The following ANKAR variants were observed in gnomAD, a reference collection of about 807,000 sequenced individuals.
ANKAR encodes ankyrin and armadillo repeat containing, also known as ankyrin and armadillo repeat-containing protein.
In ANKAR, 136 loss-of-function variants were observed where a neutral mutation model predicts 146.2. That is an observed-to-expected ratio of 0.93 (90% CI 0.81 to 1.07). The LOEUF (loss-of-function observed/expected upper bound fraction) is 1.07, where lower values mean the gene tolerates loss of function less well. ANKAR is among the 50% of genes least tolerant of loss of function. The probability of loss-of-function intolerance (pLI) is 0.00; values close to 1 mark genes in which losing one functional copy is unlikely to be tolerated. For missense variants in ANKAR, 1,567 were observed against 1,679.9 expected (o/e 0.93, Z 1.18); for synonymous variants, 500 against 575.8 (o/e 0.87, Z 1.88).
At chr2:189,689,458 C>A (rs1574396826) in intron 2 of ANKAR, 69 bp from the exon 3 acceptor site, 2 of 1,276,352 alleles carry the variant, frequency 1.6e-6, no homozygotes, top group East Asian at 2.3e-5. Context: ...TGTGTTCAAT[C>A]TTCTGTATTT....
At chr2:189,721,782 A>G (rs1365915109) in intron 12 of ANKAR, among the ~76,000 whole-genome samples, 1 of 150,312 alleles carries the variant, frequency 6.7e-6, no homozygotes, top group African/African-American at 2.5e-5. Context: ...CCTGCTCAGT[A>G]TATCATTTGG....
At position 189,692,392 on chromosome 2, in the gene ANKAR, A is replaced by C; in HGVS notation, c.1177A>C (p.Ile393Leu). The C allele has an allele frequency of 6.2e-7, 1 of 1,611,962 alleles. No individual in the cohort carries two copies. Among genetic ancestry groups the C allele is most frequent in the Non-Finnish European group, 8.5e-7 (1 of 1,179,450 alleles). Residue 393 changes from isoleucine to leucine, a missense_variant, in exon 4 of 23, where the codon ATT (isoleucine) becomes CTT (leucine). Ile to Leu is a conservative substitution (Grantham distance 5). Coordinates refer to ENST00000684021, the MANE Select transcript of ANKAR (RefSeq NM_001378068.1). ...GIEFDISTPS[I>L]ENALEDFQKN... is the part of the protein sequence containing the mutation. ...TGAATTTGATATCAGCACCCCTTCA[A>C]TTGAGAATGCCTTGGAAGATTTTCA...
chr2:189,720,542 G>A (rs567769464), intron 11 of ANKAR, 77 bp from the exon 12 acceptor site: 48 of 1,108,088 alleles, frequency 4.3e-5, no homozygotes, highest in African/African-American at 4.3e-4. Context: ...CACCACTTCC[G>A]GCCAACTTGT....
At position 189,738,810 on chromosome 2, in the gene ANKAR, T is replaced by A. The variant is rs907475226; in HGVS notation, c.3700+128T>A. 7.0e-6 allele frequency: 4 copies of A among 574,528 alleles called. No individual in the cohort carries two copies. The East Asian group carries it at 1.2e-4, about 17-fold the overall frequency. 35.6% of individuals were successfully genotyped at this position (574,528 alleles called of 1,614,324 possible). A position where few individuals can be genotyped will look rare whatever the true frequency, so the allele number is the denominator to read the frequency against. ...ACAAGTTTAAAGAACGAACTTATGT[T>A]TATATCTACATGGAACTCCACAGCA... On this transcript the variant is annotated intron_variant, in intron 19 of 22. Coordinates refer to ENST00000684021, the MANE Select transcript of ANKAR (RefSeq NM_001378068.1).
intron 6 of ANKAR, 112 bp downstream of exon 6, chr2:189,695,273 A>G (rs1316310070): frequency 2.8e-5 from 24 of 865,136 alleles, no homozygotes; most frequent in Non-Finnish European, 3.9e-5. Flanking sequence ...AGTCTTCAAC[A>G]TGAAATAAAA....
intron 7 of ANKAR, among the ~76,000 whole-genome samples, chr2:189,700,404 T>C (rs1195933388): frequency 6.6e-6 from 1 of 152,198 alleles, no homozygotes; most frequent in Non-Finnish European, 1.5e-5. Context: ...TTTAAAATAA[T>C]TTTTAATTTC....
In ANKAR at chr2:189,738,557, GT is replaced by G; in HGVS notation, c.3583-4del. 6.6e-7 allele frequency: 1 copy of G among 1,521,682 alleles called. No homozygotes were observed. Among genetic ancestry groups the G allele is most frequent in the Non-Finnish European group, 9.0e-7 (1 of 1,111,894 alleles). 94.3% of individuals were successfully genotyped at this position (1,521,682 alleles called of 1,614,324 possible). On this transcript the variant is annotated splice_polypyrimidine_tract_variant and splice_region_variant and intron_variant, in intron 18 of 22. Transcript: ENST00000684021. The stretch of plus-strand genomic sequence containing the variant: ...TTCAAAGACTCTCTGCTTCTTTTCT[GT>G]TTTCAGATTGTTGTACTGGCTAAAG...
intron 18 of ANKAR, among the ~76,000 whole-genome samples, chr2:189,757,313 T>C (rs1266811957): frequency 1.3e-5 from 2 of 152,126 alleles, no homozygotes; most frequent in Non-Finnish European, 2.9e-5. Context: ...AAGTCAAGGG[T>C]GTCCTTCAGG....
chr2:189,692,163 CT>C, intron 3 of ANKAR, 91 bp from the exon 4 acceptor site: 1 of 1,105,566 alleles, frequency 9.0e-7, no homozygotes, highest in Non-Finnish European at 1.3e-6. Flanking sequence ...AATTTTCTCA[CT>C]TTGTTTACAT....
At chr2:189,695,956 C>T (rs1181173928) in intron 6 of ANKAR, among the ~76,000 whole-genome samples, 194 bp from the exon 7 acceptor site, 1 of 152,038 alleles carries the variant, frequency 6.6e-6, no homozygotes, top group East Asian at 1.9e-4. Context: ...TTTTTAAATT[C>T]TTAATATTTG....
chr2:189,738,578 C>G lies in ANKAR; in HGVS notation c.3596C>G (p.Ala1199Gly). 5 of 1,602,260 alleles carry G rather than the reference C, an allele frequency of 3.1e-6. No homozygotes were observed. The highest frequency in any genetic ancestry group is 4.3e-6 in the Non-Finnish European group (5 of 1,172,174). Residue 1199 changes from alanine to glycine, a missense_variant, in exon 19 of 23, where the codon GCT becomes GGT. Coordinates refer to ENST00000684021, the MANE Select transcript of ANKAR (RefSeq NM_001378068.1). Reference protein sequence around the residue: ...AMAAFQIVVLAKVIRDMDHIT... With the variant: ...AMAAFQIVVLGKVIRDMDHIT... ...TTCTGTTTTCAGATTGTTGTACTGG[C>G]TAAAGTCATTAGAGATATGGACCAT... is the stretch of plus-strand genomic sequence containing the variant.
At chr2:189,696,549 G>A (rs1456045797) in intron 7 of ANKAR, among the ~76,000 whole-genome samples, 180 bp downstream of exon 7, 1 of 152,146 alleles carries the variant, frequency 6.6e-6, no homozygotes, top group Admixed American at 6.6e-5. Context: ...CTTATAGCTA[G>A]CTTATATGGT....
At chr2:189,724,017 G>T (rs2041599229) in intron 12 of ANKAR, among the ~76,000 whole-genome samples, 1 of 152,252 alleles carries the variant, frequency 6.6e-6, no homozygotes, top group East Asian at 1.9e-4. Flanking sequence ...ACAACAAAAA[G>T]TGCCAAAAAG....
intron 19 of ANKAR, among the ~76,000 whole-genome samples, chr2:189,739,223 A>G (rs1451026141): frequency 6.6e-6 from 1 of 152,234 alleles, no homozygotes; most frequent in Non-Finnish European, 1.5e-5. Context: ...GTGATCAGTA[A>G]TATTTAATTG....
chr2:189,738,676 T>C lies in ANKAR; in HGVS notation c.3694T>C (p.Leu1232=), dbSNP rs1356631711. The change falls in exon 19 of 23, where the codon TTG becomes CTG. Residue 1232 remains leucine, a synonymous_variant. Coordinates refer to ENST00000684021, the MANE Select transcript of ANKAR (RefSeq NM_001378068.1). ...TTCAGTTCAGACTTCTACTATTGTC[T>C]TGACAGGTAAGAAATGACTAGAAGT... ...LYSVQTSTIV[L]TGNLIASLAH... is the part of the protein sequence containing the mutation. The C allele has an allele frequency of 6.3e-7, 1 of 1,582,362 alleles. No homozygotes were observed. Among genetic ancestry groups the C allele is most frequent in the Non-Finnish European group, 8.6e-7 (1 of 1,159,262 alleles).
At chr2:189,680,691 A>G (rs1163501974) in intron 2 of ANKAR, among the ~76,000 whole-genome samples, 2 of 152,120 alleles carry the variant, frequency 1.3e-5, no homozygotes, top group Admixed American at 6.6e-5. Context: ...TTGTTGACCC[A>G]AAGATCATTC....
intron 18 of ANKAR, chr2:189,753,996 A>C (rs758192213): frequency 1.2e-6 from 2 of 1,613,694 alleles, no homozygotes; most frequent in South Asian, 2.2e-5. Flanking sequence ...ACAAGATGAC[A>C]TGCCATTGTG....
At position 189,728,826 on chromosome 2, in the gene ANKAR, G is replaced by C; in HGVS notation, c.3193+5G>C. On this transcript the variant is annotated splice_donor_5th_base_variant and intron_variant, in intron 15 of 22. Coordinates refer to ENST00000684021, the MANE Select transcript of ANKAR (RefSeq NM_001378068.1). Reference sequence around the variant, plus strand: ...CAGTGGGATCCATTTGTATTGGTTTGTATACTTATTCTCAATTTCTTAAAT... The same window carrying C: ...CAGTGGGATCCATTTGTATTGGTTTCTATACTTATTCTCAATTTCTTAAAT... 1 of 1,604,876 alleles carries C rather than the reference G, an allele frequency of 6.2e-7. No homozygotes were observed. Among genetic ancestry groups the C allele is most frequent in the South Asian group, 1.1e-5 (1 of 90,396 alleles).
At chr2:189,709,056 G>A (rs1191168635) in intron 9 of ANKAR, among the ~76,000 whole-genome samples, 2 of 151,940 alleles carry the variant, frequency 1.3e-5, no homozygotes, top group Non-Finnish European at 2.9e-5. Flanking sequence ...AACCGAGATC[G>A]TGCCACTACA....
Sources: allele counts gnomAD v4.1 joint callset (sites outside exome capture counted in the v4.1 genomes callset), GRCh38; gene constraint gnomAD v4.1.1; transcripts MANE v1.5; gene names NCBI Gene and HGNC (gene_info 2026-07-23, HGNC 2026-07-21).